RGL1: variants seen among roughly 807,000 people sequenced by gnomAD.
The protein encoded by RGL1 is ral guanine nucleotide dissociation stimulator like 1, also known as ral guanine nucleotide dissociation stimulator-like 1.
RGL1 carries 24 observed loss-of-function variants against 95.2 expected under a neutral mutation model. The ratio of observed to expected loss-of-function variants is 0.25; its 90% CI spans 0.18 to 0.35. The LOEUF (loss-of-function observed/expected upper bound fraction) is 0.35. RGL1 is among the 10% of genes least tolerant of loss of function. The probability of loss-of-function intolerance (pLI) is 1.00; values close to 1 mark genes in which losing one functional copy is unlikely to be tolerated. For synonymous variants in RGL1, 329 were observed against 344.9 expected (o/e 0.95, Z 0.51); for missense variants, 715 against 936.3 (o/e 0.76, Z 3.08).
intron 8 of RGL1, among the ~76,000 whole-genome samples, chr1:183,890,012 C>A (rs1211368844): frequency 6.6e-6 from 1 of 152,144 alleles, no homozygotes; most frequent in East Asian, 1.9e-4. Context: ...CATATAAAAT[C>A]ATTACTTGAT....
intron 16 of RGL1, among the ~76,000 whole-genome samples, chr1:183,917,054 TCA>T (rs1443794772): frequency 1.3e-5 from 2 of 152,214 alleles, no homozygotes; most frequent in Non-Finnish European, 2.9e-5. Flanking sequence ...TGACACAACC[TCA>T]CACATTTTTG....
At chr1:183,840,708 TA>T (rs1432895410) in intron 2 of RGL1, among the ~76,000 whole-genome samples, 7 of 62,452 alleles carry the variant, frequency 1.1e-4, no homozygotes, top group East Asian at 9.9e-4. Flanking sequence ...AAAAAATAAA[TA>T]AATAAATAAA....
intron 3 of RGL1, among the ~76,000 whole-genome samples, chr1:183,852,539 CGTG>C (rs1401996834): frequency 6.6e-6 from 1 of 152,120 alleles, no homozygotes; most frequent in Admixed American, 6.6e-5. Flanking sequence ...TCTGGCCAGG[CGTG>C]GTGGCTCACA....
intron 2 of RGL1, among the ~76,000 whole-genome samples, chr1:183,751,797 G>A (rs949934890): frequency 3.9e-5 from 6 of 152,188 alleles, no homozygotes; most frequent in Admixed American, 2.6e-4. Context: ...TCCTTGGCTA[G>A]GGGAGGGAGT....
At chr1:183,644,471 G>A (rs534543577) in intron 1 of RGL1, among the ~76,000 whole-genome samples, 53 of 152,078 alleles carry the variant, frequency 3.5e-4, no homozygotes, top group Non-Finnish European at 6.2e-4. Context: ...TGTTGCCCAG[G>A]CTGGAGTGTA....
At chr1:183,717,730 G>A (rs1217631230) in intron 1 of RGL1, among the ~76,000 whole-genome samples, 1 of 152,198 alleles carries the variant, frequency 6.6e-6, no homozygotes, top group Non-Finnish European at 1.5e-5. Context: ...TAAACTAGTG[G>A]AGGAGGCATA....
At chr1:183,876,147 C>G (rs1392813372) in intron 4 of RGL1, among the ~76,000 whole-genome samples, 1 of 152,164 alleles carries the variant, frequency 6.6e-6, no homozygotes, top group Non-Finnish European at 1.5e-5. Flanking sequence ...TCCCTGGGAC[C>G]CTGGACTTCC....
chr1:183,756,176 C>T (rs1363446051), intron 2 of RGL1, among the ~76,000 whole-genome samples: 3 of 149,018 alleles, frequency 2.0e-5, no homozygotes, highest in Non-Finnish European at 3.0e-5. Context: ...TGAGCCACTG[C>T]GCCTGGCCTG....
intron 1 of RGL1, among the ~76,000 whole-genome samples, chr1:183,730,993 ACT>A (rs1160534310): frequency 6.6e-6 from 1 of 152,140 alleles, no homozygotes; most frequent in Non-Finnish European, 1.5e-5. Flanking sequence ...AGAAGTTGTA[ACT>A]CTGAGTCCAC....
chr1:183,669,002 GT>G (rs1371791695), intron 1 of RGL1, among the ~76,000 whole-genome samples: 1 of 148,422 alleles, frequency 6.7e-6, no homozygotes, highest in Non-Finnish European at 1.5e-5. Flanking sequence ...AGTGGCAGTG[GT>G]GCAATCTTGG....
At chr1:183,831,142 A>G (rs1001564923) in intron 2 of RGL1, among the ~76,000 whole-genome samples, 5 of 152,188 alleles carry the variant, frequency 3.3e-5, no homozygotes, top group African/African-American at 1.2e-4. Flanking sequence ...CTGGTGTGGC[A>G]GGGGAAGATG....
chr1:183,825,294 A>G (rs1222500618), intron 2 of RGL1, among the ~76,000 whole-genome samples: 13 of 152,206 alleles, frequency 8.5e-5, no homozygotes, highest in Admixed American at 8.5e-4. Flanking sequence ...GTGATACTTT[A>G]AGCAGTAAGA....
intron 1 of RGL1, among the ~76,000 whole-genome samples, chr1:183,639,905 C>T (rs1031098465): frequency 6.6e-6 from 1 of 151,770 alleles, no homozygotes; most frequent in African/African-American, 2.4e-5. Flanking sequence ...TGCAGTGGCA[C>T]AATCTCAGCT....
chr1:183,814,389 G>A (rs1412394849), intron 2 of RGL1, among the ~76,000 whole-genome samples: 1 of 152,066 alleles, frequency 6.6e-6, no homozygotes, highest in African/African-American at 2.4e-5. Flanking sequence ...TAACAGTGGT[G>A]GTGGTTGGGG....
intron 2 of RGL1, among the ~76,000 whole-genome samples, chr1:183,807,084 T>C (rs1661395305): frequency 6.6e-6 from 1 of 152,198 alleles, no homozygotes; most frequent in Admixed American, 6.5e-5. Context: ...ACAGGACTCT[T>C]TTCCACTGAG....
chr1:183,912,620 T>A (rs377748219), intron 15 of RGL1, among the ~76,000 whole-genome samples: 6 of 152,218 alleles, frequency 3.9e-5, no homozygotes, highest in Admixed American at 3.9e-4. Context: ...GCCAAGCATT[T>A]ATCACAATAA....
At chr1:183,902,200 T>G (rs1668066367) in intron 11 of RGL1, among the ~76,000 whole-genome samples, 1 of 152,216 alleles carries the variant, frequency 6.6e-6, no homozygotes, top group African/African-American at 2.4e-5. Context: ...ATAAACCGTA[T>G]GAGTCAATGA....
At chr1:183,920,910 C>T (rs1052409383) in intron 16 of RGL1, among the ~76,000 whole-genome samples, 1 of 152,160 alleles carries the variant, frequency 6.6e-6, no homozygotes, top group African/African-American at 2.4e-5. Flanking sequence ...CTTGGCACTG[C>T]CATCCTCAGG....
intron 11 of RGL1, among the ~76,000 whole-genome samples, chr1:183,901,938 C>T (rs1668050410): frequency 6.6e-6 from 1 of 152,194 alleles, no homozygotes; most frequent in African/African-American, 2.4e-5. Flanking sequence ...AGTTACTTTG[C>T]ATAGATCTAC....
Sources: allele counts gnomAD v4.1 joint callset (sites outside exome capture counted in the v4.1 genomes callset), GRCh38; gene constraint gnomAD v4.1.1; transcripts MANE v1.5; gene names NCBI Gene and HGNC (gene_info 2026-07-23, HGNC 2026-07-21).